EXOC6B: variants seen among roughly 807,000 people sequenced by gnomAD.
The protein encoded by EXOC6B is exocyst complex component 6B.
Under a neutral mutation model 113.5 loss-of-function variants are expected in EXOC6B, and 54 were observed. That is an observed-to-expected ratio of 0.48 (90% CI 0.38 to 0.60). The LOEUF (loss-of-function observed/expected upper bound fraction) is 0.60, where lower values mean the gene tolerates loss of function less well. EXOC6B is among the 20% of genes least tolerant of loss of function. The pLI, the probability that EXOC6B is intolerant of heterozygous loss-of-function variation, is 0.00. For synonymous variants in EXOC6B, 357 were observed against 339.0 expected, an observed-to-expected ratio of 1.05 and a Z score of -0.58; for missense variants, 797 against 977.5, an observed-to-expected ratio of 0.82 and a Z score of 2.46.
At chr2:72,801,175 A>G (rs1481036893) in intron 1 of EXOC6B, among the ~76,000 whole-genome samples, 1 of 152,194 alleles carries the variant, frequency 6.6e-6, no homozygotes, top group Non-Finnish European at 1.5e-5. Flanking sequence ...CCCTGTATAG[A>G]ACAGCAATTT....
intron 20 of EXOC6B, among the ~76,000 whole-genome samples, chr2:72,266,178 C>T (rs1312939410): frequency 4.8e-4 from 73 of 151,600 alleles, no homozygotes; most frequent in African/African-American, 1.9e-4. Context: ...GAGTAGGTTG[C>T]GAAAATTTTC....
At chr2:72,818,675 A>G (rs1199954298) in intron 1 of EXOC6B, among the ~76,000 whole-genome samples, 1 of 152,186 alleles carries the variant, frequency 6.6e-6, no homozygotes, top group Non-Finnish European at 1.5e-5. Context: ...TGCTCAGAAT[A>G]AAAACTCTCC....
intron 1 of EXOC6B, among the ~76,000 whole-genome samples, chr2:72,820,339 T>A (rs1372234178): frequency 6.6e-6 from 1 of 152,182 alleles, no homozygotes; most frequent in African/African-American, 2.4e-5. Flanking sequence ...CAATTTTTAA[T>A]CTAGTTTCCA....
rs144959822 is a variant in EXOC6B, at chr2:72,521,955, C to T, written c.916-6829G>A. On this transcript the variant is annotated intron_variant, in intron 8 of 21. Coordinates refer to ENST00000272427, the MANE Select transcript of EXOC6B (RefSeq NM_015189.3). ...TTGTGATCCACCTGCCTTGGCCTCC[C>T]AAAGTGCTGGGATTACAGGCATGAG... Among the ~76,000 whole-genome samples, 125 of 152,316 alleles carry T rather than the reference C, an allele frequency of 8.2e-4. 3 individuals are homozygous for T. The East Asian group carries it at 0.017, about 20-fold the overall frequency.
chr2:72,709,329 C>T (rs541314688), intron 6 of EXOC6B, among the ~76,000 whole-genome samples: 1 of 152,120 alleles, frequency 6.6e-6, no homozygotes, highest in Non-Finnish European at 1.5e-5. Flanking sequence ...GCTGAGAGCA[C>T]AACAATCCTA....
In EXOC6B at chr2:72,456,661, A is replaced by G. The variant is rs187164205; in HGVS notation, c.1980+8499T>C. Among the ~76,000 whole-genome samples, 931 of 152,260 alleles carry G rather than the reference A, an allele frequency of 6.1e-3. 4 individuals are homozygous for G. Among genetic ancestry groups the G allele is most frequent in the Non-Finnish European group, 9.9e-3 (676 of 68,010 alleles). Reference sequence around the variant, plus strand: ...TCCTCCTTGAGTTTATGGTCTCATCATAAAATGTAATAATAATATTAATAC... The same window carrying G: ...TCCTCCTTGAGTTTATGGTCTCATCGTAAAATGTAATAATAATATTAATAC... On this transcript the variant is annotated intron_variant, in intron 18 of 21. Coordinates refer to ENST00000272427, the MANE Select transcript of EXOC6B (RefSeq NM_015189.3).
chr2:72,308,131 C>G (rs1051370361), intron 20 of EXOC6B, among the ~76,000 whole-genome samples: 4 of 152,136 alleles, frequency 2.6e-5, no homozygotes, highest in African/African-American at 7.2e-5. Context: ...GAATACTCAG[C>G]AAAGACCACA....
intron 6 of EXOC6B, among the ~76,000 whole-genome samples, chr2:72,703,036 T>C (rs1313130819): frequency 1.7e-4 from 25 of 148,570 alleles, no homozygotes; most frequent in Non-Finnish European, 3.3e-4. Flanking sequence ...GGTTTTCTTC[T>C]AGGGTTTTTA....
In EXOC6B at chr2:72,371,156, A is replaced by G. The variant is rs540236390; in HGVS notation, c.2122+8573T>C. 2.0e-4 allele frequency among the ~76,000 whole-genome samples: 30 copies of G among 152,116 alleles called. No homozygotes were observed. The Middle Eastern group carries it at 0.01, about 52-fold the overall frequency. On this transcript the variant is annotated intron_variant, in intron 19 of 21. Transcript: ENST00000272427. Reference sequence around the variant, plus strand: ...GGCAGAGTCATGAGGTCCCCATTTCAGGCCCTAGAACACAAATCAATAACA... The same window carrying G: ...GGCAGAGTCATGAGGTCCCCATTTCGGGCCCTAGAACACAAATCAATAACA...
intron 17 of EXOC6B, among the ~76,000 whole-genome samples, chr2:72,471,634 T>A (rs1403063987): frequency 6.6e-6 from 1 of 152,172 alleles, no homozygotes; most frequent in African/African-American, 2.4e-5. Context: ...AAATGAAAGA[T>A]CGTATCATCA....
chr2:72,472,321 T>A (rs553890264), intron 17 of EXOC6B, among the ~76,000 whole-genome samples: 1 of 152,266 alleles, frequency 6.6e-6, no homozygotes, highest in Non-Finnish European at 1.5e-5. Flanking sequence ...AATTTGGTGG[T>A]GAATCCACCT....
Position 72,645,119 on chromosome 2 carries a change from A to G in EXOC6B, c.670-69451T>C, listed in dbSNP as rs149111781. Among the ~76,000 whole-genome samples the G allele has an allele frequency of 2.4e-3, 369 of 152,312 alleles. 1 individual carries two copies. The highest frequency in any genetic ancestry group is 8.4e-3 in the African/African-American group (349 of 41,576). ...TTACCAAGCAAATGGAAAGCAAGAAAAAAAAGTGGGGGTTGCAATCCTAGT... is the reference window on the plus strand; with the variant it reads ...TTACCAAGCAAATGGAAAGCAAGAAGAAAAAGTGGGGGTTGCAATCCTAGT... On this transcript the variant is annotated intron_variant, in intron 6 of 21. Transcript: ENST00000272427.
intron 1 of EXOC6B, among the ~76,000 whole-genome samples, chr2:72,760,282 C>A (rs2104895213): frequency 6.6e-6 from 1 of 152,308 alleles, no homozygotes; most frequent in Admixed American, 6.5e-5. Flanking sequence ...ACTTCCCTGG[C>A]ATATCATAGA....
At chr2:72,461,224 G>C (rs906816538) in intron 18 of EXOC6B, among the ~76,000 whole-genome samples, 1 of 100,434 alleles carries the variant, frequency 1.0e-5, no homozygotes, top group African/African-American at 3.8e-5. Context: ...GGGGGGAGGG[G>C]GGAGGGATAG....
chr2:72,440,547 G>T (rs1255816355), intron 18 of EXOC6B, among the ~76,000 whole-genome samples: 1 of 152,164 alleles, frequency 6.6e-6, no homozygotes, highest in Admixed American at 6.5e-5. Flanking sequence ...AATATGGAAA[G>T]GAAAGAACAT....
intron 16 of EXOC6B, among the ~76,000 whole-genome samples, chr2:72,489,954 A>G (rs909811270): frequency 1.3e-5 from 2 of 152,094 alleles, no homozygotes; most frequent in African/African-American, 4.8e-5. Context: ...GTGTAACCCC[A>G]AAACAGAGCA....
At chr2:72,814,320 G>C (rs549797265) in intron 1 of EXOC6B, among the ~76,000 whole-genome samples, 1 of 152,190 alleles carries the variant, frequency 6.6e-6, no homozygotes, top group Non-Finnish European at 1.5e-5. Flanking sequence ...TGATAGAACT[G>C]TTATAAAAGA....
At chr2:72,545,029 T>G (rs1338371169) in intron 8 of EXOC6B, among the ~76,000 whole-genome samples, 1 of 152,112 alleles carries the variant, frequency 6.6e-6, no homozygotes, top group Non-Finnish European at 1.5e-5. Flanking sequence ...TTCAAGTATC[T>G]TTGTGAGAAA....
At chr2:72,388,537 T>C (rs574805117) in intron 18 of EXOC6B, among the ~76,000 whole-genome samples, 1 of 152,306 alleles carries the variant, frequency 6.6e-6, no homozygotes, top group South Asian at 2.1e-4. Flanking sequence ...TGTAATATCC[T>C]ATAAATAGAC....
Sources: allele counts gnomAD v4.1 joint callset (sites outside exome capture counted in the v4.1 genomes callset), GRCh38; gene constraint gnomAD v4.1.1; transcripts MANE v1.5; gene names NCBI Gene and HGNC (gene_info 2026-07-23, HGNC 2026-07-21).